ANXA1: variants seen among roughly 807,000 people sequenced by gnomAD.
The protein encoded by ANXA1 is annexin I (lipocortin I).
A neutral mutation model predicts 47.9 loss-of-function variants in ANXA1; 39 were observed. The observed-to-expected ratio is 0.81, with a 90% CI of 0.63 to 1.06. ANXA1 has a LOEUF of 1.06. Ranked by LOEUF, ANXA1 falls within the 50% of genes least tolerant of loss-of-function variation. The pLI is 0.00. For missense variants in ANXA1, 446 were observed against 422.7 expected (o/e 1.06, Z -0.48); for synonymous variants, 146 against 142.5 (o/e 1.02, Z -0.17).
intron 1 of ANXA1, among the ~76,000 whole-genome samples, chr9:73,155,159 A>G (rs1381348713): frequency 1.3e-5 from 2 of 152,236 alleles, no homozygotes; most frequent in Admixed American, 6.5e-5. Flanking sequence ...ACCATTAATT[A>G]GAAGAAATGT....
At chr9:73,166,014 T>G in intron 9 of ANXA1, 83 bp from the exon 10 acceptor site, 1 of 1,006,846 alleles carries the variant, frequency 9.9e-7, no homozygotes, top group Non-Finnish European at 1.5e-6. Context: ...AAAAAATTCT[T>G]TGAGTCAGTT....
intron 1 of ANXA1, among the ~76,000 whole-genome samples, chr9:73,157,428 C>T (rs959592686): frequency 1.3e-5 from 2 of 151,788 alleles, no homozygotes; most frequent in East Asian, 1.9e-4. Context: ...CCGAGGCGGG[C>T]AGATCACTTG....
chr9:73,165,446 C>A (rs1230889108), intron 9 of ANXA1: 2 of 338,990 alleles, frequency 5.9e-6, no homozygotes, highest in African/African-American at 4.3e-5. Flanking sequence ...TTGTTATTTT[C>A]ACTGCTTTTA....
intron 10 of ANXA1, among the ~76,000 whole-genome samples, chr9:73,166,497 G>A (rs572075232): frequency 3.9e-5 from 6 of 152,238 alleles, no homozygotes; most frequent in Middle Eastern, 3.4e-3. Context: ...TGGTCACTGA[G>A]AGCATGGGAT....
chr9:73,164,118 AAAAC>A (rs1018249874), intron 8 of ANXA1, among the ~76,000 whole-genome samples: 1 of 152,148 alleles, frequency 6.6e-6, no homozygotes, highest in African/African-American at 2.4e-5. Context: ...ATTTCCATTT[AAAAC>A]AAACAAACAA....
intron 10 of ANXA1, 92 bp from the exon 11 acceptor site, chr9:73,167,405 G>T (rs961445045): frequency 5.8e-5 from 71 of 1,224,102 alleles, no homozygotes; most frequent in South Asian, 5.3e-4. Context: ...ATAGAACACT[G>T]TTGGCAAAAT....
intron 4 of ANXA1, 93 bp from the exon 5 acceptor site, chr9:73,160,170 A>G: frequency 1.3e-6 from 1 of 754,282 alleles, no homozygotes; most frequent in Non-Finnish European, 2.1e-6. Context: ...TTTAGGGATG[A>G]GTTGTACGAT....
Position 73,165,147 on chromosome 9 carries a change from G to C in ANXA1, c.644G>C (p.Gly215Ala), listed in dbSNP as rs756776231. Residue 215 changes from glycine to alanine, a missense_variant, in exon 9 of 13, where the codon GGG (glycine) becomes GCG (alanine). Transcript: ENST00000257497. ...ALYEAGERRK[G>A]TDVNVFNTIL... ...TATGAAGCAGGAGAAAGGAGAAAGG[G>C]GACAGACGTAAACGTGTTCAATACC... 1 of 1,612,716 alleles carries C rather than the reference G, an allele frequency of 6.2e-7. No homozygotes were observed. Among genetic ancestry groups the C allele is most frequent in the Non-Finnish European group, 8.5e-7 (1 of 1,179,074 alleles).
intron 8 of ANXA1, 149 bp downstream of exon 8, chr9:73,163,681 G>A (rs1459224076): frequency 4.2e-6 from 3 of 712,142 alleles, no homozygotes; most frequent in Admixed American, 5.9e-5. Flanking sequence ...ATGTCTTTCT[G>A]TAGCCCCCAC....
intron 6 of ANXA1, 49 bp downstream of exon 6, chr9:73,160,942 C>A: frequency 1.6e-6 from 2 of 1,245,190 alleles, no homozygotes; most frequent in South Asian, 1.3e-5. Context: ...AAAAGGAAAT[C>A]TAATATACTT....
chr9:73,160,692 G>A (rs1388732249), intron 5 of ANXA1, 111 bp from the exon 6 acceptor site: 3 of 736,888 alleles, frequency 4.1e-6, no homozygotes, highest in Admixed American at 2.3e-5. Flanking sequence ...TGTTGTGGGT[G>A]AAATTTACTA....
Position 73,167,482 on chromosome 9 carries a change from T to A in ANXA1, c.803-15T>A, listed in dbSNP as rs889243107. 6.2e-7 allele frequency: 1 copy of A among 1,608,500 alleles called. No individual in the cohort carries two copies. Among genetic ancestry groups the A allele is most frequent in the Non-Finnish European group, 8.5e-7 (1 of 1,177,916 alleles). Reference sequence around the variant, plus strand: ...TCATGGTAAATACATCAACTAAAATTTTCTTCTCTAACAGTGAAGTGCGCC... The same window carrying A: ...TCATGGTAAATACATCAACTAAAATATTCTTCTCTAACAGTGAAGTGCGCC... On this transcript the variant is annotated splice_polypyrimidine_tract_variant and intron_variant, in intron 10 of 12. Coordinates refer to ENST00000257497, the MANE Select transcript of ANXA1 (RefSeq NM_000700.3).
chr9:73,160,271 T>C lies in ANXA1; in HGVS notation c.279T>C (p.Asp93=), dbSNP rs1372241333. 1.3e-5 allele frequency: 20 copies of C among 1,558,176 alleles called. No homozygotes were observed. Among genetic ancestry groups the C allele is most frequent in the East Asian group, 4.8e-5 (2 of 41,488 alleles). ...AYLQETGKPL[D]ETLKKALTGH... ...AATCTTTTTTTTTGTAGCCCCTGGATGAAACACTGAAGAAAGCCCTTACAG... is the reference window on the plus strand; with the variant it reads ...AATCTTTTTTTTTGTAGCCCCTGGACGAAACACTGAAGAAAGCCCTTACAG... The change falls in exon 5 of 13, where the codon GAT becomes GAC. Residue 93 remains aspartate (D), a synonymous_variant. Transcript: ENST00000257497.
At chr9:73,167,281 A>T (rs1824247791) in intron 10 of ANXA1, among the ~76,000 whole-genome samples, 1 of 152,266 alleles carries the variant, frequency 6.6e-6, no homozygotes. Flanking sequence ...TAATAAAAAA[A>T]TTGATCGTCA....
In ANXA1 at chr9:73,153,162, C is replaced by A. The variant is rs2795111; in HGVS notation, c.-15+1238C>A. Among the ~76,000 whole-genome samples the A allele has an allele frequency of 9.1e-3, 1,382 of 152,272 alleles. 27 individuals carry two copies. The highest frequency in any genetic ancestry group is 0.032 in the African/African-American group (1,324 of 41,542). On this transcript the variant is annotated intron_variant, in intron 1 of 12. Coordinates refer to ENST00000257497, the MANE Select transcript of ANXA1 (RefSeq NM_000700.3). ...CATCCAGCACATAGCCAACATTTAACAGATGTTGACAAAATAGTTAATAAT... is the reference window on the plus strand; with the variant it reads ...CATCCAGCACATAGCCAACATTTAAAAGATGTTGACAAAATAGTTAATAAT...
chr9:73,154,263 T>G, intron 1 of ANXA1: 2 of 1,348,390 alleles, frequency 1.5e-6, no homozygotes, highest in Non-Finnish European at 2.0e-6. Flanking sequence ...GCCGTGCATT[T>G]AAAAATAAAC....
intron 1 of ANXA1, chr9:73,157,884 T>C (rs1458147165): frequency 1.3e-5 from 2 of 152,168 alleles, no homozygotes; most frequent in Admixed American, 1.3e-4. Flanking sequence ...AAGAAACCCA[T>C]TAATGTTTTC....
chr9:73,155,333 C>T (rs1205535667), intron 1 of ANXA1, among the ~76,000 whole-genome samples: 2 of 152,002 alleles, frequency 1.3e-5, no homozygotes, highest in Non-Finnish European at 2.9e-5. Context: ...ATAGAACAGG[C>T]TCTTTAAAAT....
Position 73,169,290 on chromosome 9 carries a change from A to G in ANXA1, c.984+136A>G, listed in dbSNP as rs2811225. The G allele has an allele frequency of 2.0e-3, 1,862 of 952,740 alleles. 29 individuals carry two copies. In the African/African-American group the frequency reaches 0.029, roughly 15 times the overall value. The allele number at this position is 952,740 out of a possible 1,614,324, so 59.0% of individuals were successfully genotyped here. A position where few individuals can be genotyped will look rare whatever the true frequency, so the allele number is the denominator to read the frequency against. On this transcript the variant is annotated intron_variant, in intron 12 of 12. Coordinates refer to ENST00000257497, the MANE Select transcript of ANXA1 (RefSeq NM_000700.3). ...TTTAATATATTATGGTGTATACTTC[A>G]TGAGTAAATTGAACTTTCACTGGTA...
Sources: gnomAD v4.1 joint callset for allele counts (sites outside exome capture counted in the v4.1 genomes callset) on GRCh38, gnomAD v4.1.1 for gene constraint, MANE v1.5 for transcripts, NCBI Gene and HGNC (gene_info 2026-07-23, HGNC 2026-07-21) for gene names.